Variants in TPO observed in about 807,000 individuals in gnomAD.
TPO encodes thyroid microsomal antigen.
In TPO, 78 loss-of-function variants were observed where a neutral mutation model predicts 96.9. The ratio of observed to expected loss-of-function variants is 0.81; its 90% confidence interval spans 0.67 to 0.97. The LOEUF (loss-of-function observed/expected upper bound fraction) is 0.97, where lower values mean the gene tolerates loss of function less well. TPO is among the 50% of genes least tolerant of loss of function. The pLI is 0.00. For missense variants in TPO, 1,252 were observed against 1,274.8 expected, an observed-to-expected ratio of 0.98 and a Z score of 0.27; for synonymous variants, 547 against 538.0, an observed-to-expected ratio of 1.02 and a Z score of -0.23.
At chr2:1,422,969 T>G in intron 2 of TPO, 76 bp from the exon 3 acceptor site, 1 of 1,529,902 alleles carries the variant, frequency 6.5e-7, no homozygotes, top group Non-Finnish European at 9.0e-7. Flanking sequence ...AAGATGGGCT[T>G]GAGGAACAAA....
chr2:1,540,692 C>A lies in TPO; in HGVS notation c.2717C>A (p.Pro906Gln), dbSNP rs138289170. 6.2e-7 allele frequency: 1 copy of A among 1,613,312 alleles called. No individual in the cohort carries two copies. Among genetic ancestry groups the A allele is most frequent in the Non-Finnish European group, 8.5e-7 (1 of 1,180,026 alleles). ...CGKHQAVGTS[P>Q]QRAAAQDSEQ... ...AAGCACCAGGCCGTAGGGACCTCAC[C>A]GCAGCGGGCCGCAGCTCAGGACTCG... Residue 906 changes from proline to glutamine, a missense_variant, in exon 16 of 17, where the codon CCG (proline) becomes CAG (glutamine). Pro to Gln is a moderately conservative substitution (Grantham distance 76). Coordinates refer to ENST00000329066, the MANE Select transcript of TPO (RefSeq NM_001206744.2).
intron 5 of TPO, among the ~76,000 whole-genome samples, chr2:1,453,433 G>T (rs1434521872): frequency 1.3e-5 from 2 of 152,174 alleles, no homozygotes; most frequent in Non-Finnish European, 2.9e-5. Context: ...AAGGAACCCT[G>T]CAGGCAGCCA....
At chr2:1,522,150 C>T (rs2125100300) in intron 15 of TPO, among the ~76,000 whole-genome samples, 1 of 144,280 alleles carries the variant, frequency 6.9e-6, no homozygotes, top group Non-Finnish European at 1.5e-5. Flanking sequence ...CCCTTACAGT[C>T]TCTACCCCAC....
chr2:1,458,602 G>A (rs1251848327), intron 7 of TPO, among the ~76,000 whole-genome samples: 1 of 151,894 alleles, frequency 6.6e-6, no homozygotes, highest in Non-Finnish European at 1.5e-5. Flanking sequence ...TGGCATATAA[G>A]ATACTGTGTG....
chr2:1,400,584 A>AAAAAAAAAAAG (rs1662151912), intron 1 of TPO, among the ~76,000 whole-genome samples: 1 of 150,538 alleles, frequency 6.6e-6, no homozygotes, highest in South Asian at 2.1e-4. Flanking sequence ...AAAAAAAAAA[A>AAAAAAAAAAAG]AAAAGAAATA....
intron 5 of TPO, among the ~76,000 whole-genome samples, chr2:1,449,367 C>G (rs947735495): frequency 6.6e-6 from 1 of 152,138 alleles, no homozygotes; most frequent in Non-Finnish European, 1.5e-5. Context: ...AATTCACATT[C>G]GTAGTCACCT....
chr2:1,377,626 G>T (rs1418891230), intron 1 of TPO, among the ~76,000 whole-genome samples: 1 of 152,182 alleles, frequency 6.6e-6, no homozygotes, highest in Non-Finnish European at 1.5e-5. Context: ...CGGATCCTGT[G>T]TCCTCAGAAC....
chr2:1,528,936 A>G (rs1245786683), intron 15 of TPO, among the ~76,000 whole-genome samples: 18 of 132,584 alleles, frequency 1.4e-4, no homozygotes, highest in Admixed American at 3.1e-4. Flanking sequence ...AACCCCCACA[A>G]ATCCTCCCAG....
rs952460533 is a variant in TPO, at chr2:1,516,921, T to A, written c.2557T>A (p.Ser853Thr). Residue 853 changes from serine (S) to threonine (T), a missense_variant, in exon 15 of 17, where the codon TCG becomes ACG. Physicochemically the swap from Ser to Thr is moderately conservative, Grantham distance 58 (BLOSUM62 1). Transcript: ENST00000329066. The part of the protein sequence containing the change: ...RLPRVTWISM[S>T]LAALLIGGFA... ...CCCTCGGGTGACTTGGATCTCCATG[T>A]CGCTGGCTGCTCTGCTGATCGGAGG... 7 of 1,613,904 alleles carry A rather than the reference T, an allele frequency of 4.3e-6. No homozygotes were observed. The African/African-American group carries it at 6.7e-5, about 15-fold the overall frequency.
chr2:1,405,180 C>T (rs1573063204), intron 1 of TPO, among the ~76,000 whole-genome samples: 1 of 148,682 alleles, frequency 6.7e-6, no homozygotes, highest in South Asian at 2.1e-4. Context: ...CACCCATCCA[C>T]CCATTCATCC....
chr2:1,389,123 G>C (rs564633561), intron 1 of TPO, among the ~76,000 whole-genome samples: 36 of 152,288 alleles, frequency 2.4e-4, no homozygotes, highest in African/African-American at 8.2e-4. Flanking sequence ...TGGGCTGGCA[G>C]CTCACTCAGG....
chr2:1,392,810 A>C (rs905355713), intron 1 of TPO, among the ~76,000 whole-genome samples: 1 of 152,086 alleles, frequency 6.6e-6, no homozygotes, highest in Non-Finnish European at 1.5e-5. Flanking sequence ...CTCTGATGGT[A>C]GTTTGTATTA....
intron 15 of TPO, among the ~76,000 whole-genome samples, chr2:1,522,204 C>A (rs556725413): frequency 2.8e-5 from 4 of 144,916 alleles, no homozygotes; most frequent in Non-Finnish European, 4.5e-5. Flanking sequence ...TACCCCACAC[C>A]GGCCCGCCAC....
chr2:1,432,768 G>A (rs1023199107), intron 3 of TPO, among the ~76,000 whole-genome samples: 1 of 112,604 alleles, frequency 8.9e-6, no homozygotes, highest in South Asian at 4.0e-4. Context: ...GGAGAGGCCT[G>A]CAGGTGAGGG....
At chr2:1,524,988 C>T (rs1481779054) in intron 15 of TPO, among the ~76,000 whole-genome samples, 1 of 127,240 alleles carries the variant, frequency 7.9e-6, no homozygotes, top group African/African-American at 3.0e-5. Flanking sequence ...TGTGCAACCT[C>T]CCCAAATCCA....
At chr2:1,421,414 G>A (rs912425551) in intron 2 of TPO, among the ~76,000 whole-genome samples, 5 of 152,106 alleles carry the variant, frequency 3.3e-5, no homozygotes, top group African/African-American at 7.2e-5. Flanking sequence ...AGAAAACCGC[G>A]CCAGGTGAAG....
At chr2:1,488,342 C>T (rs71440660) in intron 10 of TPO, among the ~76,000 whole-genome samples, 1 of 152,086 alleles carries the variant, frequency 6.6e-6, no homozygotes, top group Non-Finnish European at 1.5e-5. Context: ...GTGCCCCCCT[C>T]CCCTTCTCCT....
At chr2:1,477,948 C>A in intron 8 of TPO, 1 of 985,378 alleles carries the variant, frequency 1.0e-6, no homozygotes, top group Non-Finnish European at 1.2e-6. Context: ...ACAGTGGCAG[C>A]CAGACCACCC....
chr2:1,540,644 G>A lies in TPO; in HGVS notation c.2669G>A (p.Gly890Glu). 1.2e-6 allele frequency: 2 copies of A among 1,613,560 alleles called. No individual in the cohort carries two copies. The highest frequency in any genetic ancestry group is 1.7e-6 in the Non-Finnish European group (2 of 1,180,030). The change falls in exon 16 of 17, where the codon GGA (glycine) becomes GAA (glutamate). Residue 890 changes from glycine to glutamate, a missense_variant. By Grantham distance (98) the Gly-to-Glu change is moderately conservative. Coordinates refer to ENST00000329066, the MANE Select transcript of TPO (RefSeq NM_001206744.2). ...CTGCCCATCTCGGAGACAGGCGGAG[G>A]AACTCCCGAGCTGAGATGCGGAAAG... ...STLPISETGGGTPELRCGKHQ... is the reference protein window; with the variant it reads ...STLPISETGGETPELRCGKHQ...
Sources: gnomAD v4.1 joint callset for allele counts (sites outside exome capture counted in the v4.1 genomes callset) on GRCh38, gnomAD v4.1.1 for gene constraint, MANE v1.5 for transcripts, NCBI Gene and HGNC (gene_info 2026-07-23, HGNC 2026-07-21) for gene names.